The following CCNL2 variants were observed in gnomAD, a reference collection of about 807,000 sequenced individuals.
CCNL2 encodes cyclin L2.
CCNL2 carries 28 observed loss-of-function variants against 59.1 expected under a neutral mutation model. The ratio of observed to expected loss-of-function variants is 0.47; its 90% CI spans 0.35 to 0.65. The LOEUF is 0.65. CCNL2 is among the 30% of genes least tolerant of loss of function. The pLI, the probability that CCNL2 is intolerant of heterozygous loss-of-function variation, is 0.00. For missense variants in CCNL2, 714 were observed against 717.4 expected (o/e 1.00, Z 0.05); for synonymous variants, 342 against 288.6 (o/e 1.19, Z -1.88).
At chr1:1,398,018 G>A (rs1231050783) in intron 3 of CCNL2, among the ~76,000 whole-genome samples, 1 of 152,238 alleles carries the variant, frequency 6.6e-6, no homozygotes, top group African/African-American at 2.4e-5. Context: ...ACCCGCCACA[G>A]CGCACTGTCC....
rs1388120997 is a variant in CCNL2 at position 1,388,026 on chromosome 1, G to C, written c.1046C>G (p.Pro349Arg). The part of the protein sequence containing the change: ...PKEGKGSKPS[P>R]LSVKNTKRRL... The stretch of plus-strand genomic sequence containing the variant: ...CCTCTTGGTGTTCTTCACAGACAGT[G>C]GGGAAGGCTTGCTCCCTTTACCTTC... Residue 349 changes from proline (P) to arginine (R), a missense_variant, in exon 9 of 11, where the codon CCA becomes CGA. Pro to Arg is a moderately radical substitution (Grantham distance 103, BLOSUM62 -2). Transcript: ENST00000400809. 11 of 1,613,902 alleles carry C rather than the reference G, an allele frequency of 6.8e-6. No individual in the cohort carries two copies. The highest frequency in any genetic ancestry group is 8.5e-6 in the Non-Finnish European group (10 of 1,180,032).
At position 1,387,798 on chromosome 1, in the gene CCNL2, C is replaced by T. The variant is rs539006374; in HGVS notation, c.1190G>A (p.Arg397Gln). ...REQSYSRSPS[R>Q]SASPKRRKSD... ...ACACCTCCTCTTAGGAGACGCTGAT[C>T]GGGATGGGGACCTCGAGTAGCTCTG... The change falls in exon 10 of 11, where the codon CGA (arginine) becomes CAA (glutamine). Residue 397 changes from arginine to glutamine, a missense_variant. By Grantham distance (43) the Arg-to-Gln change is conservative. Transcript: ENST00000400809. 29 of 1,612,878 alleles carry T rather than the reference C, an allele frequency of 1.8e-5. No individual in the cohort carries two copies. Among genetic ancestry groups the T allele is most frequent in the South Asian group, 5.5e-5 (5 of 90,840 alleles).
Position 1,399,198 on chromosome 1 carries a change from T to A in CCNL2, c.109A>T (p.Ile37Phe). 3 of 1,608,376 alleles carry A rather than the reference T, an allele frequency of 1.9e-6. No homozygotes were observed. In the South Asian group the frequency reaches 3.3e-5, roughly 18 times the overall value. ...ACCCCGGAGTACAGCCTGTCCCCGA[T>A]CAGCACCCCCTGCGACCCTGAGGGT... Reference protein sequence around the residue: ...GAPSGSQGVLIGDRLYSGVLI... With the variant: ...GAPSGSQGVLFGDRLYSGVLI... The change falls in exon 1 of 11, where the codon ATC becomes TTC. Residue 37 changes from isoleucine (I) to phenylalanine (F), a missense_variant. By Grantham distance (21) the Ile-to-Phe change is conservative. This residue lies in a region of CCNL2 where 270 missense variants were observed against 254.9 expected (regional missense o/e 1.06). Coordinates refer to ENST00000400809, the MANE Select transcript of CCNL2 (RefSeq NM_030937.6).
At chr1:1,393,128 C>T in intron 5 of CCNL2, 1 of 585,132 alleles carries the variant, frequency 1.7e-6, no homozygotes, top group East Asian at 2.8e-5. Flanking sequence ...AAGTCAACAG[C>T]TCCCAGAGGA....
Position 1,393,469 on chromosome 1 carries a change from T to C in CCNL2, c.595-9A>G, listed in dbSNP as rs761369968. On this transcript the variant is annotated splice_polypyrimidine_tract_variant and intron_variant, in intron 4 of 10. Transcript: ENST00000400809. Reference sequence around the variant, plus strand: ...AGGTACATAACGATTATCTGGAAGATACGGGTCAGGCAGTTATTACCAAGA... The same window carrying C: ...AGGTACATAACGATTATCTGGAAGACACGGGTCAGGCAGTTATTACCAAGA... 1.9e-6 allele frequency: 3 copies of C among 1,613,696 alleles called. No homozygotes were observed. The highest frequency in any genetic ancestry group is 1.1e-5 in the South Asian group (1 of 91,070).
rs773789185 is a variant in CCNL2, at chr1:1,390,393, C to T, written c.865-22G>A. On this transcript the variant is annotated intron_variant, in intron 7 of 10. Transcript: ENST00000400809. ...CAACCTGCAAAAGCCAGAAGGTGTC[C>T]GTTCAGAACCAGGTGTTTCTGGCCA... The T allele has an allele frequency of 3.7e-6, 6 of 1,610,264 alleles. No homozygotes were observed. The Admixed American group carries it at 5.0e-5, about 13-fold the overall frequency.
intron 3 of CCNL2, 84 bp from the exon 4 acceptor site, chr1:1,395,598 C>T (rs892456797): frequency 6.4e-6 from 10 of 1,567,052 alleles, no homozygotes; most frequent in Non-Finnish European, 8.7e-6. Flanking sequence ...CAACTATGAG[C>T]ACCTAACACA....
Position 1,393,365 on chromosome 1 carries a change from TGGTCTCATAAAACAA to T in CCNL2, c.659+16_659+30del, listed in dbSNP as rs762083515. 1.2e-6 allele frequency: 2 copies of T among 1,601,232 alleles called. No individual in the cohort carries two copies. Among genetic ancestry groups the T allele is most frequent in the African/African-American group, 2.7e-5 (2 of 74,672 alleles). ...CAACACATTCCTGCACTGCCCTTGC[TGGTCTCATAAAACAA>T]GGAAGCTCAACTCACCATGAGGTCT... On this transcript the variant is annotated intron_variant, in intron 5 of 10. Coordinates refer to ENST00000400809, the MANE Select transcript of CCNL2 (RefSeq NM_030937.6).
intron 3 of CCNL2, among the ~76,000 whole-genome samples, chr1:1,397,734 G>A (rs942632194): frequency 1.7e-4 from 26 of 152,234 alleles, no homozygotes; most frequent in African/African-American, 3.1e-4. Context: ...CATGGTTGGC[G>A]TGCTCCTATA....
At chr1:1,396,575 T>G (rs1200038098) in intron 3 of CCNL2, among the ~76,000 whole-genome samples, 6 of 133,428 alleles carry the variant, frequency 4.5e-5, no homozygotes, top group Non-Finnish European at 6.4e-5. Context: ...AAGGCTGTTT[T>G]TTTTTTTTTT....
chr1:1,392,276 G>A (rs1644801837), intron 5 of CCNL2: 1 of 941,424 alleles, frequency 1.1e-6, no homozygotes. Context: ...AAAAACAAAT[G>A]AAATCTTGAG....
intron 8 of CCNL2, chr1:1,388,283 G>C: frequency 1.8e-6 from 1 of 551,292 alleles, no homozygotes; most frequent in East Asian, 3.1e-5. Flanking sequence ...AGCACTTCGG[G>C]AGGCCGAGGA....
chr1:1,390,249 G>A lies in CCNL2; in HGVS notation c.987C>T (p.Phe329=). Residue 329 remains phenylalanine, a synonymous_variant, in exon 8 of 11, where the codon TTC becomes TTT. Coordinates refer to ENST00000400809, the MANE Select transcript of CCNL2 (RefSeq NM_030937.6). ...GTQVLDGTSG[F]SPAPKLVESP... ...ACTCACCCAGCTTGGGGGCAGGAGAGAACCCCGAGGTACCATCCAGCACCT... is the reference window on the plus strand; with the variant it reads ...ACTCACCCAGCTTGGGGGCAGGAGAAAACCCCGAGGTACCATCCAGCACCT... 6.2e-7 allele frequency: 1 copy of A among 1,610,448 alleles called. No individual in the cohort carries two copies. Among genetic ancestry groups the A allele is most frequent in the East Asian group, 2.2e-5 (1 of 44,720 alleles).
At chr1:1,396,798 G>C (rs1309326750) in intron 3 of CCNL2, among the ~76,000 whole-genome samples, 2 of 150,508 alleles carry the variant, frequency 1.3e-5, no homozygotes, top group African/African-American at 2.5e-5. Context: ...GCCCAGGCTG[G>C]AGTGCAGTGG....
intron 4 of CCNL2, among the ~76,000 whole-genome samples, chr1:1,394,841 G>C (rs1644932730): frequency 6.6e-6 from 1 of 150,492 alleles, no homozygotes; most frequent in Non-Finnish European, 1.5e-5. Flanking sequence ...GGAGGATCAC[G>C]AGGGCAAGAG....
chr1:1,390,133 A>AAAG (rs1644683705), intron 8 of CCNL2, 97 bp downstream of exon 8: 2 of 1,121,340 alleles, frequency 1.8e-6, no homozygotes, highest in Admixed American at 2.5e-5. Flanking sequence ...AAAAAAAAAA[A>AAAG]TGTCTGGAAG....
At chr1:1,388,715 G>A (rs1644599812) in intron 8 of CCNL2, 1 of 413,250 alleles carries the variant, frequency 2.4e-6, no homozygotes, top group Non-Finnish European at 4.7e-6. Context: ...AGCTTGCAGT[G>A]ATCCCAGATA....
intron 3 of CCNL2, among the ~76,000 whole-genome samples, chr1:1,395,857 C>T (rs1353264411): frequency 6.6e-6 from 1 of 152,182 alleles, no homozygotes; most frequent in Non-Finnish European, 1.5e-5. Flanking sequence ...AGTTCAATAA[C>T]CACAGAACCA....
chr1:1,388,168 CGCAA>C, intron 8 of CCNL2, 103 bp from the exon 9 acceptor site: 1 of 851,850 alleles, frequency 1.2e-6, no homozygotes, highest in Non-Finnish European at 1.9e-6. Flanking sequence ...CAAACAGCGA[CGCAA>C]GCAGACTGTA....
Sources: gnomAD v4.1 joint callset for allele counts (sites outside exome capture counted in the v4.1 genomes callset) on GRCh38, gnomAD v4.1.1 for gene constraint, gnomAD v4.1.1 regional missense constraint, MANE v1.5 for transcripts, NCBI Gene and HGNC (gene_info 2026-07-23, HGNC 2026-07-21) for gene names.